Variants in WDSUB1 observed in about 807,000 individuals in gnomAD.
WDSUB1 encodes the protein WD repeat, SAM and U-box domain-containing protein 1.
Under a neutral mutation model 53.9 loss-of-function variants are expected in WDSUB1, and 49 were observed. That is an observed-to-expected ratio of 0.91 (90% CI 0.72 to 1.15). WDSUB1 has a LOEUF of 1.15. Ranked by LOEUF, WDSUB1 falls within the 50% of genes most tolerant of loss-of-function variation. The pLI, the probability that WDSUB1 is intolerant of heterozygous loss-of-function variation, is 0.00. For synonymous variants in WDSUB1, 194 were observed against 200.6 expected (o/e 0.97, Z 0.28); for missense variants, 514 against 562.0 (o/e 0.91, Z 0.86).
At chr2:159,280,310 A>G (rs1575496806) in intron 2 of WDSUB1, among the ~76,000 whole-genome samples, 1 of 152,228 alleles carries the variant, frequency 6.6e-6, no homozygotes, top group African/African-American at 2.4e-5. Context: ...AACTACAGCC[A>G]TATTTTTTAA....
At chr2:159,276,117 G>A (rs138315592) in intron 3 of WDSUB1, among the ~76,000 whole-genome samples, 8 of 151,092 alleles carry the variant, frequency 5.3e-5, no homozygotes, top group African/African-American at 1.7e-4. Context: ...GGAGTGCAGT[G>A]GTGCGATCTT....
At chr2:159,271,089 G>T (rs1033398469) in intron 5 of WDSUB1, among the ~76,000 whole-genome samples, 2 of 152,138 alleles carry the variant, frequency 1.3e-5, no homozygotes, top group Admixed American at 1.3e-4. Flanking sequence ...TACAGGCTAG[G>T]ATACAAAACA....
At chr2:159,267,886 C>G (rs2061376302) in intron 5 of WDSUB1, among the ~76,000 whole-genome samples, 1 of 152,174 alleles carries the variant, frequency 6.6e-6, no homozygotes, top group Non-Finnish European at 1.5e-5. Flanking sequence ...ATTTCTCATT[C>G]ATTTGCCTGT....
At chr2:159,285,974 C>G (rs1439339206) in intron 1 of WDSUB1, among the ~76,000 whole-genome samples, 1 of 152,114 alleles carries the variant, frequency 6.6e-6, no homozygotes, top group Non-Finnish European at 1.5e-5. Flanking sequence ...CCCTCTGCCG[C>G]ACTCAGCTCC....
At chr2:159,263,293 T>G (rs2061264062) in intron 5 of WDSUB1, among the ~76,000 whole-genome samples, 1 of 152,214 alleles carries the variant, frequency 6.6e-6, no homozygotes, top group East Asian at 1.9e-4. Flanking sequence ...ACTTCAGTAT[T>G]TTAATTTTAA....
chr2:159,250,804 G>A (rs1575445176), intron 9 of WDSUB1, among the ~76,000 whole-genome samples: 1 of 152,258 alleles, frequency 6.6e-6, no homozygotes, highest in Admixed American at 6.5e-5. Context: ...CTGAAGTGGG[G>A]TATTAGAGGA....
intron 9 of WDSUB1, among the ~76,000 whole-genome samples, chr2:159,251,840 A>G (rs1268010598): frequency 6.6e-6 from 1 of 152,236 alleles, no homozygotes; most frequent in African/African-American, 2.4e-5. Context: ...ACGAAACAGA[A>G]GGTAACGGGG....
At chr2:159,253,125 G>A (rs1357916912) in intron 9 of WDSUB1, among the ~76,000 whole-genome samples, 9 of 152,158 alleles carry the variant, frequency 5.9e-5, no homozygotes, top group East Asian at 5.8e-4. Context: ...AACTCGTTGC[G>A]TAATATCACA....
intron 10 of WDSUB1, among the ~76,000 whole-genome samples, chr2:159,241,270 T>TAATTCTAACCAAAATACCACTTTG (rs1356243859): frequency 6.6e-6 from 1 of 152,248 alleles, no homozygotes; most frequent in Non-Finnish European, 1.5e-5. Context: ...AGGTTTTCTG[T>TAATTCTAACCAAAATACCACTTTG]AATTCTAACC....
chr2:159,283,407 GC>G (rs1293762990), intron 1 of WDSUB1, among the ~76,000 whole-genome samples: 1 of 152,084 alleles, frequency 6.6e-6, no homozygotes, highest in African/African-American at 2.4e-5. Context: ...GATGCCTGGA[GC>G]CCCAGCTACA....
chr2:159,268,258 A>G (rs1394407395), intron 5 of WDSUB1, among the ~76,000 whole-genome samples: 1 of 152,208 alleles, frequency 6.6e-6, no homozygotes, highest in African/African-American at 2.4e-5. Flanking sequence ...ACTGTCTTAT[A>G]CTTCCTTTTC....
intron 9 of WDSUB1, among the ~76,000 whole-genome samples, chr2:159,251,846 C>T (rs770517599): frequency 2.0e-5 from 3 of 152,236 alleles, no homozygotes; most frequent in East Asian, 1.9e-4. Context: ...CAGAAGGTAA[C>T]GGGGTTCCGG....
At chr2:159,281,878 G>A (rs1034591796) in intron 2 of WDSUB1, among the ~76,000 whole-genome samples, 1 of 152,246 alleles carries the variant, frequency 6.6e-6, no homozygotes, top group African/African-American at 2.4e-5. Flanking sequence ...TCGGGAGGCC[G>A]AGGCAGGAGA....
chr2:159,283,529 A>C, intron 1 of WDSUB1, among the ~76,000 whole-genome samples: 2 of 151,972 alleles, frequency 1.3e-5, no homozygotes, highest in Admixed American at 6.6e-5. Context: ...ATATCGTGCC[A>C]CTGCACTCCA....
chr2:159,254,678 A>G (rs1243305452), intron 9 of WDSUB1, among the ~76,000 whole-genome samples: 1 of 152,220 alleles, frequency 6.6e-6, no homozygotes, highest in Non-Finnish European at 1.5e-5. Flanking sequence ...AAATTATTTC[A>G]TATTGTGAAG....
Position 159,247,929 on chromosome 2 carries a change from A to G in WDSUB1, c.1273+443T>C, listed in dbSNP as rs1410856382. ...TATATAAATATATATATATATATAA[A>G]TATATATATATATAAAATTTGGATT... On this transcript the variant is annotated intron_variant, in intron 10 of 10. Transcript: ENST00000359774. Among the ~76,000 whole-genome samples, 23 of 57,024 alleles carry G rather than the reference A, an allele frequency of 4.0e-4. 1 individual carries two copies. Among genetic ancestry groups the G allele is most frequent in the African/African-American group, 3.9e-3 (21 of 5,342 alleles). 37.4% of individuals were successfully genotyped at this position (57,024 alleles called of 152,430 possible).
At chr2:159,279,983 T>C (rs2061620312) in intron 2 of WDSUB1, 38 bp from the exon 3 acceptor site, 1 of 1,559,252 alleles carries the variant, frequency 6.4e-7, no homozygotes, top group Non-Finnish European at 8.7e-7. Flanking sequence ...CATTTCAGAG[T>C]ATCCTTTACT....
At chr2:159,250,030 A>T (rs1252649318) in intron 9 of WDSUB1, among the ~76,000 whole-genome samples, 1 of 148,814 alleles carries the variant, frequency 6.7e-6, no homozygotes, top group African/African-American at 2.5e-5. Context: ...CGGAGGTTGC[A>T]GTGAGCTGAG....
In WDSUB1 at chr2:159,256,321, T is replaced by A; in HGVS notation, c.1007A>T (p.Asp336Val). The change falls in exon 9 of 11, where the codon GAT becomes GTT. Residue 336 changes from aspartate to valine, a missense_variant. Asp to Val is a radical substitution (Grantham distance 152, BLOSUM62 -3). Transcript: ENST00000359774. ...KQFTEDWSEE[D>V]VSTWLCAQDL... is the part of the protein sequence containing the mutation. ...TTGTGCACAAAGCCATGTTGAGACA[T>A]CCTCCTCTGACCAATCTTCGGTAAA... 6.2e-7 allele frequency: 1 copy of A among 1,612,298 alleles called. No individual in the cohort carries two copies. The highest frequency in any genetic ancestry group is 8.5e-7 in the Non-Finnish European group (1 of 1,179,464).
Sources: gnomAD v4.1 joint callset for allele counts (sites outside exome capture counted in the v4.1 genomes callset) on GRCh38, gnomAD v4.1.1 for gene constraint, MANE v1.5 for transcripts, NCBI Gene and HGNC (gene_info 2026-07-23, HGNC 2026-07-21) for gene names.